The following SOS2 variants were observed in gnomAD, a reference collection of about 807,000 sequenced individuals.
SOS2 encodes son of sevenless homolog 2.
SOS2 carries 65 observed loss-of-function variants against 148.2 expected under a neutral mutation model. That is an observed-to-expected ratio of 0.44 (90% CI 0.36 to 0.54). The LOEUF (loss-of-function observed/expected upper bound fraction) is 0.54. Among genes scored for constraint, SOS2 ranks in the 20% least tolerant of loss-of-function variants. SOS2 has a pLI of 0.00. For missense variants in SOS2, 1,341 were observed against 1,590.2 expected (o/e 0.84, Z 2.67); for synonymous variants, 539 against 537.1 (o/e 1.00, Z -0.05).
chr14:50,223,710 T>C (rs1887267758), intron 1 of SOS2, among the ~76,000 whole-genome samples: 1 of 151,804 alleles, frequency 6.6e-6, no homozygotes, highest in Non-Finnish European at 1.5e-5. Context: ...CTGGGTGTGG[T>C]GGCACACACC....
At chr14:50,197,999 C>CTTTTTTTTTTT (rs35683627) in intron 4 of SOS2, among the ~76,000 whole-genome samples, 1 of 135,090 alleles carries the variant, frequency 7.4e-6, no homozygotes, top group Non-Finnish European at 1.6e-5. Context: ...GCTTTGCCAT[C>CTTTTTTTTTTT]TTTTTTTTTT....
Position 50,199,897 on chromosome 14 carries a change from G to A in SOS2, c.346-42C>T, listed in dbSNP as rs777679856. 3 of 1,276,038 alleles carry A rather than the reference G, an allele frequency of 2.4e-6. No individual in the cohort carries two copies. The South Asian group carries it at 4.1e-5, about 17-fold the overall frequency. 79.0% of individuals were successfully genotyped at this position (1,276,038 alleles called of 1,614,324 possible). On this transcript the variant is annotated intron_variant, in intron 3 of 22. Transcript: ENST00000216373. ...TAATTTAATTGCAAAATGTAGCACT[G>A]TCAAGTATTACACACTTAAAAAATT... is the stretch of plus-strand genomic sequence containing the variant.
chr14:50,159,309 G>T, intron 10 of SOS2, 122 bp downstream of exon 10: 4 of 560,844 alleles, frequency 7.1e-6, no homozygotes, highest in Non-Finnish European at 9.5e-6. Context: ...TTTTGTTTTT[G>T]CAGTATTTTT....
chr14:50,179,910 G>A (rs527981489), intron 7 of SOS2, among the ~76,000 whole-genome samples: 1 of 151,990 alleles, frequency 6.6e-6, no homozygotes. Context: ...AGGAGGTTGA[G>A]GTTATCTCAA....
chr14:50,171,412 G>A (rs182072733), intron 8 of SOS2, among the ~76,000 whole-genome samples: 88 of 151,998 alleles, frequency 5.8e-4, no homozygotes, highest in Non-Finnish European at 4.3e-4. Context: ...TCAGCCAGGC[G>A]CGGTGGCTCA....
chr14:50,193,184 T>C (rs990237797), intron 4 of SOS2, among the ~76,000 whole-genome samples: 2 of 151,934 alleles, frequency 1.3e-5, no homozygotes, highest in African/African-American at 4.8e-5. Flanking sequence ...CCCCAGGGTA[T>C]CTCACCTTTC....
At position 50,159,661 on chromosome 14, in the gene SOS2, G is replaced by A; in HGVS notation, c.1622C>T (p.Ser541Phe). The A allele has an allele frequency of 6.2e-7, 1 of 1,613,948 alleles. No homozygotes were observed. The highest frequency in any genetic ancestry group is 8.5e-7 in the Non-Finnish European group (1 of 1,179,920). ...EKNNWMAALISLHYRSTLDRM... is the reference protein window; with the variant it reads ...EKNNWMAALIFLHYRSTLDRM... ...ATCTAGAGTACTACGATAATGAAGA[G>A]AAATAAGGGCTGCCATCCAGTTGTT... The change falls in exon 10 of 23, where the codon TCT (serine) becomes TTT (phenylalanine). Residue 541 changes from serine to phenylalanine, a missense_variant. Ser to Phe is a radical substitution (Grantham distance 155). Transcript: ENST00000216373.
intron 17 of SOS2, 53 bp downstream of exon 17, chr14:50,139,889 C>G: frequency 1.2e-6 from 1 of 855,592 alleles, no homozygotes; most frequent in South Asian, 1.5e-5. Flanking sequence ...AGACTGCTCT[C>G]TTTTGGCTAT....
intron 8 of SOS2, among the ~76,000 whole-genome samples, chr14:50,169,728 G>T (rs1258981352): frequency 6.6e-6 from 1 of 151,866 alleles, no homozygotes; most frequent in Non-Finnish European, 1.5e-5. Context: ...TTATATTATT[G>T]TTGCCATGCA....
chr14:50,187,692 G>A (rs1359999910), intron 5 of SOS2, among the ~76,000 whole-genome samples: 1 of 152,002 alleles, frequency 6.6e-6, no homozygotes, highest in African/African-American at 2.4e-5. Flanking sequence ...CATAGACATG[G>A]AAAAATAAAT....
chr14:50,209,069 C>A (rs1415289510), intron 1 of SOS2, among the ~76,000 whole-genome samples: 1 of 152,150 alleles, frequency 6.6e-6, no homozygotes, highest in Admixed American at 6.5e-5. Context: ...TTTCTCTCTG[C>A]CTGACTGTAT....
In SOS2 at chr14:50,164,899, C is replaced by T. The variant is rs1391174891; in HGVS notation, c.1069-3290G>A. 4.6e-5 allele frequency among the ~76,000 whole-genome samples: 7 copies of T among 152,234 alleles called. No individual in the cohort carries two copies. In the East Asian group the frequency reaches 1.4e-3, roughly 29 times the overall value. On this transcript the variant is annotated intron_variant, in intron 8 of 22. Transcript: ENST00000216373. ...AGTAACACAAATAACTCCTGTAATA[C>T]TCTGAATCACCAATTTTTAACATTT...
intron 14 of SOS2, among the ~76,000 whole-genome samples, chr14:50,147,772 T>G (rs1884536873): frequency 6.6e-6 from 1 of 152,174 alleles, no homozygotes; most frequent in South Asian, 2.1e-4. Flanking sequence ...AGTATTTAAT[T>G]AAAATTCAGA....
At chr14:50,158,116 G>A (rs1382385935) in intron 11 of SOS2, among the ~76,000 whole-genome samples, 2 of 152,116 alleles carry the variant, frequency 1.3e-5, no homozygotes, top group African/African-American at 4.8e-5. Context: ...ACTGAAGGTG[G>A]TTGATGAATA....
chr14:50,218,218 GAAAAAAAA>G, intron 1 of SOS2, among the ~76,000 whole-genome samples: 1 of 95,800 alleles, frequency 1.0e-5, no homozygotes, highest in South Asian at 4.0e-4. Context: ...TCGATAAAAG[GAAAAAAAA>G]AAAAAAAAAA....
At chr14:50,212,817 G>A (rs1020295405) in intron 1 of SOS2, among the ~76,000 whole-genome samples, 4 of 152,176 alleles carry the variant, frequency 2.6e-5, no homozygotes, top group Admixed American at 6.5e-5. Context: ...TGGGAGGACA[G>A]GGAAGTGAGG....
intron 1 of SOS2, among the ~76,000 whole-genome samples, chr14:50,225,397 C>A (rs1485865212): frequency 6.6e-6 from 1 of 152,102 alleles, no homozygotes; most frequent in Non-Finnish European, 1.5e-5. Context: ...ATGGTTAATA[C>A]AAAAGACATA....
chr14:50,231,815 G>A (rs1004980723), upstream of SOS2, among the ~76,000 whole-genome samples: 1 of 152,168 alleles, frequency 6.6e-6, no homozygotes, highest in Non-Finnish European at 1.5e-5. Context: ...CGCGTCGGGC[G>A]AGCGAGCCTC....
chr14:50,159,979 A>C lies in SOS2; in HGVS notation c.1304T>G (p.Ile435Ser). The change falls in exon 10 of 23, where the codon ATT becomes AGT. Residue 435 changes from isoleucine to serine, a missense_variant. Around this residue, in one of 4 missense-constraint regions of SOS2, gnomAD observed 574 missense variants for 711.1 expected, o/e 0.81. Coordinates refer to ENST00000216373, the MANE Select transcript of SOS2 (RefSeq NM_006939.4). ...AATGAATTCATTACAACACTGTCCA[A>C]TATCTTTGCCTTCCCATCCATCGAT... ...KNIDGWEGKDIGQCCNEFIME... is the reference protein window; with the variant it reads ...KNIDGWEGKDSGQCCNEFIME... The C allele has an allele frequency of 6.2e-7, 1 of 1,614,096 alleles. No homozygotes were observed. Among genetic ancestry groups the C allele is most frequent in the Non-Finnish European group, 8.5e-7 (1 of 1,179,996 alleles).
Sources: gnomAD v4.1 joint callset for allele counts (sites outside exome capture counted in the v4.1 genomes callset) on GRCh38, gnomAD v4.1.1 for gene constraint, gnomAD v4.1.1 regional missense constraint, MANE v1.5 for transcripts, NCBI Gene and HGNC (gene_info 2026-07-23, HGNC 2026-07-21) for gene names.